The following RSF1 variants were observed in gnomAD, a reference collection of about 807,000 sequenced individuals.
The protein encoded by RSF1 is remodeling and spacing factor 1.
RSF1 carries 13 observed loss-of-function variants against 145.2 expected under a neutral mutation model. The ratio of observed to expected loss-of-function variants is 0.09; its 90% CI spans 0.06 to 0.14. RSF1 has a LOEUF of 0.14. Among genes scored for constraint, RSF1 ranks in the 10% least tolerant of loss-of-function variants. The pLI is 1.00. For synonymous variants in RSF1, 577 were observed against 592.6 expected, an observed-to-expected ratio of 0.97 and a Z score of 0.38; for missense variants, 1,517 against 1,718.2, an observed-to-expected ratio of 0.88 and a Z score of 2.07.
chr11:77,841,517 G>C, the RSF1 span, among the ~76,000 whole-genome samples: 1 of 152,186 alleles, frequency 6.6e-6, no homozygotes, highest in African/African-American at 2.4e-5. Context: ...GGAACACTGT[G>C]TGTACAGGGG....
At chr11:77,859,927 G>A in the RSF1 span, among the ~76,000 whole-genome samples, 5 of 152,162 alleles carry the variant, frequency 3.3e-5, no homozygotes, top group Admixed American at 6.5e-5. Flanking sequence ...TGAGTATGCC[G>A]TTCACATCAT....
intron 1 of RSF1, among the ~76,000 whole-genome samples, chr11:77,767,531 A>C (rs1360925655): frequency 6.6e-6 from 1 of 152,220 alleles, no homozygotes; most frequent in South Asian, 2.1e-4. Context: ...TACTTCCTGC[A>C]CTGAAATCCT....
intron 4 of RSF1, among the ~76,000 whole-genome samples, chr11:77,731,190 T>A (rs1961199493): frequency 6.6e-6 from 1 of 152,166 alleles, no homozygotes; most frequent in Non-Finnish European, 1.5e-5. Context: ...AGGAACTTGT[T>A]CCCCAACAGG....
intron 8 of RSF1, among the ~76,000 whole-genome samples, chr11:77,692,295 A>T (rs1171836115): frequency 2.8e-5 from 2 of 72,426 alleles, no homozygotes; most frequent in African/African-American, 8.1e-5. Flanking sequence ...CCCAGGCTGG[A>T]GTGCAGTGGC....
At chr11:77,683,151 C>T (rs780170563) in intron 11 of RSF1, among the ~76,000 whole-genome samples, 1 of 151,832 alleles carries the variant, frequency 6.6e-6, no homozygotes, top group African/African-American at 2.4e-5. Context: ...ATTAGCTGGG[C>T]GTGGTGGCGG....
intron 5 of RSF1, among the ~76,000 whole-genome samples, chr11:77,716,952 TG>T (rs550658303): frequency 2.3e-4 from 35 of 151,686 alleles, no homozygotes; most frequent in Non-Finnish European, 4.7e-4. Flanking sequence ...CCGAGACGGG[TG>T]GATCACTTGA....
At chr11:77,732,161 C>G (rs74382946) in intron 4 of RSF1, among the ~76,000 whole-genome samples, 7,884 of 152,310 alleles carry the variant, frequency 0.052, 276 homozygotes, top group Non-Finnish European at 0.079. Context: ...AGATGTGAGA[C>G]AGTCAAAAGA....
the RSF1 span, among the ~76,000 whole-genome samples, chr11:77,846,324 A>C: frequency 6.6e-6 from 1 of 152,194 alleles, no homozygotes; most frequent in Non-Finnish European, 1.5e-5. Context: ...TTCTTTTAGA[A>C]AAATCAGTAT....
chr11:77,683,304 A>C (rs1959915190), intron 11 of RSF1, among the ~76,000 whole-genome samples: 1 of 152,148 alleles, frequency 6.6e-6, no homozygotes, highest in African/African-American at 2.4e-5. Context: ...AAAACAAAAC[A>C]AAACAATCCT....
chr11:77,858,403 C>CGGCTTGAATGCT, the RSF1 span, among the ~76,000 whole-genome samples: 1 of 146,444 alleles, frequency 6.8e-6, no homozygotes, highest in African/African-American at 2.6e-5. Flanking sequence ...TTGCCATTGC[C>CGGCTTGAATGCT]GGCTCGAATG....
intron 1 of RSF1, among the ~76,000 whole-genome samples, chr11:77,781,837 G>A (rs1948407808): frequency 6.6e-6 from 1 of 152,108 alleles, no homozygotes; most frequent in Non-Finnish European, 1.5e-5. Context: ...TTTGCTTCAT[G>A]TGTTTTAAAG....
chr11:77,752,495 C>A (rs1948073662), intron 2 of RSF1, among the ~76,000 whole-genome samples: 1 of 152,148 alleles, frequency 6.6e-6, no homozygotes, highest in African/African-American at 2.4e-5. Flanking sequence ...ACCACCTCCC[C>A]ATCAATTCAT....
chr11:77,757,354 C>T lies in RSF1; in HGVS notation c.279+7244G>A, dbSNP rs569395221. ...AGTGGGTCATGGCTAGTAAATATGG[C>T]GACCCAATGAGGCTCTGGAGGCACT... is the stretch of plus-strand genomic sequence containing the variant. On this transcript the variant is annotated intron_variant, in intron 2 of 15. Coordinates refer to ENST00000308488, the MANE Select transcript of RSF1 (RefSeq NM_016578.4). 1.9e-4 allele frequency among the ~76,000 whole-genome samples: 29 copies of T among 152,200 alleles called. No individual in the cohort carries two copies. The South Asian group carries it at 2.1e-3, about 11-fold the overall frequency.
chr11:77,696,658 A>C (rs1198398270), intron 7 of RSF1, among the ~76,000 whole-genome samples: 1 of 152,222 alleles, frequency 6.6e-6, no homozygotes, highest in Non-Finnish European at 1.5e-5. Flanking sequence ...ACATTAGAAA[A>C]TGGTAAGGAG....
chr11:77,749,692 C>A (rs1458643712), intron 2 of RSF1, among the ~76,000 whole-genome samples: 1 of 152,134 alleles, frequency 6.6e-6, no homozygotes, highest in Non-Finnish European at 1.5e-5. Context: ...AATTTACTGA[C>A]CTTTATTTAT....
At chr11:77,720,555 C>T (rs562846541) in intron 5 of RSF1, among the ~76,000 whole-genome samples, 20 of 152,332 alleles carry the variant, frequency 1.3e-4, no homozygotes, top group Admixed American at 1.2e-3. Context: ...AAATCTACCA[C>T]AGTCTGAGAA....
At position 77,680,507 on chromosome 11, in the gene RSF1, T is replaced by A. The variant is rs1959829590; in HGVS notation, c.3066-2354A>T. ...GTATACACCCATAGTCCCAACTATTTGGGAGGCTGAGGCAGTAGGATGGCT... is the reference window on the plus strand; with the variant it reads ...GTATACACCCATAGTCCCAACTATTAGGGAGGCTGAGGCAGTAGGATGGCT... On this transcript the variant is annotated intron_variant, in intron 11 of 15. Transcript: ENST00000308488. Among the ~76,000 whole-genome samples, 6 of 152,202 alleles carry A rather than the reference T, an allele frequency of 3.9e-5. No homozygotes were observed. In the South Asian group the frequency reaches 1.2e-3, roughly 32 times the overall value.
chr11:77,785,210 A>T (rs1215820766), intron 1 of RSF1, among the ~76,000 whole-genome samples: 3 of 152,200 alleles, frequency 2.0e-5, no homozygotes, highest in Non-Finnish European at 4.4e-5. Flanking sequence ...TGGTTCATGT[A>T]TCTTGATCCA....
rs540785730 is a variant in RSF1 at position 77,748,734 on chromosome 11, G to C, written c.280-1606C>G. Among the ~76,000 whole-genome samples, 6 of 152,280 alleles carry C rather than the reference G, an allele frequency of 3.9e-5. No homozygotes were observed. The South Asian group carries it at 1.2e-3, about 32-fold the overall frequency. On this transcript the variant is annotated intron_variant, in intron 2 of 15. Coordinates refer to ENST00000308488, the MANE Select transcript of RSF1 (RefSeq NM_016578.4). ...GTTACTGGGAATGTAAAATGGTGCA[G>C]TTGCCTTGGAAAACAGCTTGGCAAT... is the stretch of plus-strand genomic sequence containing the variant.
Sources: gnomAD v4.1 joint callset for allele counts (sites outside exome capture counted in the v4.1 genomes callset) on GRCh38, gnomAD v4.1.1 for gene constraint, MANE v1.5 for transcripts, NCBI Gene and HGNC (gene_info 2026-07-23, HGNC 2026-07-21) for gene names.